The following TAF4 variants were observed in gnomAD, a reference collection of about 807,000 sequenced individuals.
The protein encoded by TAF4 is transcription initiation factor TFIID subunit 4.
In TAF4, 9 loss-of-function variants were observed where a neutral mutation model predicts 90.3. The observed-to-expected ratio is 0.10, with a 90% CI of 0.06 to 0.17. The LOEUF is 0.17. Among genes scored for constraint, TAF4 ranks in the 10% least tolerant of loss-of-function variants. TAF4 has a pLI of 1.00. For synonymous variants in TAF4, 818 were observed against 638.9 expected, an observed-to-expected ratio of 1.28 and a Z score of -4.23; for missense variants, 1,351 against 1,370.7, an observed-to-expected ratio of 0.99 and a Z score of 0.23.
chr20:62,028,803 T>A (rs1044150605), intron 1 of TAF4, among the ~76,000 whole-genome samples: 2 of 152,198 alleles, frequency 1.3e-5, no homozygotes, highest in Non-Finnish European at 2.9e-5. Context: ...ATAAAGCACC[T>A]GCCTAAGCCT....
intron 2 of TAF4, among the ~76,000 whole-genome samples, chr20:62,013,625 G>T (rs1042720559): frequency 6.6e-6 from 1 of 152,262 alleles, no homozygotes. Context: ...ACTCCAGAGG[G>T]TACGCAGCTC....
intron 1 of TAF4, among the ~76,000 whole-genome samples, chr20:62,045,303 TCCTGGGAAAGCCCTG>T (rs1230755728): frequency 6.6e-6 from 1 of 152,210 alleles, no homozygotes; most frequent in East Asian, 1.9e-4. Flanking sequence ...TCCCTGCCCT[TCCTGGGAAAGCCCTG>T]CCTGCCGTGC....
At chr20:62,032,628 G>A (rs756986813) in intron 1 of TAF4, among the ~76,000 whole-genome samples, 2 of 152,220 alleles carry the variant, frequency 1.3e-5, no homozygotes, top group Non-Finnish European at 2.9e-5. Context: ...TTTAAATAGT[G>A]CCAATCCCAT....
chr20:61,991,837 C>T (rs373413009), intron 14 of TAF4, among the ~76,000 whole-genome samples: 4 of 152,020 alleles, frequency 2.6e-5, no homozygotes, highest in East Asian at 1.9e-4. Flanking sequence ...AAGCCCAGCA[C>T]GCACTCCAGT....
rs558145101 is a variant in TAF4, at chr20:62,038,857, A to G, written c.1361-24150T>C. 2.0e-5 allele frequency among the ~76,000 whole-genome samples: 3 copies of G among 152,286 alleles called. No individual in the cohort carries two copies. In the East Asian group the frequency reaches 5.8e-4, roughly 29 times the overall value. ...CACCTGAGGTCAGGAATTCAAGACC[A>G]GCCTGGCCAACACGGCAAAACCCTA... On this transcript the variant is annotated intron_variant, in intron 1 of 14. Coordinates refer to ENST00000252996, the MANE Select transcript of TAF4 (RefSeq NM_003185.4).
intron 14 of TAF4, among the ~76,000 whole-genome samples, chr20:61,988,005 T>A (rs1383965243): frequency 2.6e-5 from 4 of 152,144 alleles, no homozygotes; most frequent in Non-Finnish European, 4.4e-5. Flanking sequence ...CATGATATTC[T>A]GGAAAAGGCG....
intron 1 of TAF4, among the ~76,000 whole-genome samples, chr20:62,023,505 C>T (rs1425786043): frequency 6.6e-6 from 1 of 152,006 alleles, no homozygotes; most frequent in Non-Finnish European, 1.5e-5. Flanking sequence ...CTCAGCACTT[C>T]GGAAGGCCGA....
At chr20:62,014,038 GT>G (rs2055798098) in intron 2 of TAF4, among the ~76,000 whole-genome samples, 1 of 124,424 alleles carries the variant, frequency 8.0e-6, no homozygotes, top group Admixed American at 8.0e-5. Context: ...GTGTGTGTGT[GT>G]GTGTGTATGT....
At chr20:61,986,692 G>C (rs998299426) in intron 14 of TAF4, among the ~76,000 whole-genome samples, 8 of 152,284 alleles carry the variant, frequency 5.3e-5, no homozygotes, top group African/African-American at 1.4e-4. Flanking sequence ...ATGATGGCCA[G>C]AGCCGGGCTG....
intron 3 of TAF4, among the ~76,000 whole-genome samples, chr20:62,011,142 G>C (rs2055775658): frequency 6.6e-6 from 1 of 152,200 alleles, no homozygotes; most frequent in African/African-American, 2.4e-5. Context: ...GGAGGCAGCA[G>C]GGTGGAGGGA....
intron 1 of TAF4, among the ~76,000 whole-genome samples, chr20:62,045,592 T>A (rs994655826): frequency 6.6e-6 from 1 of 152,216 alleles, no homozygotes; most frequent in African/African-American, 2.4e-5. Flanking sequence ...TTTGCCTTTA[T>A]CAAATTTTCT....
intron 1 of TAF4, among the ~76,000 whole-genome samples, chr20:62,022,865 C>CG (rs1555876374): frequency 6.6e-6 from 1 of 151,862 alleles, no homozygotes; most frequent in African/African-American, 2.4e-5. Flanking sequence ...CTTGCAGCCC[C>CG]CCCCCCGCAC....
At chr20:62,062,841 C>G (rs1391558708) in intron 1 of TAF4, among the ~76,000 whole-genome samples, 1 of 152,188 alleles carries the variant, frequency 6.6e-6, no homozygotes, top group Non-Finnish European at 1.5e-5. Flanking sequence ...GCCAGCCCCA[C>G]AAGACAGAGT....
At chr20:62,000,834 G>A (rs1429796897) in intron 9 of TAF4, 113 bp from the exon 10 acceptor site, 1 of 1,179,304 alleles carries the variant, frequency 8.5e-7, no homozygotes, top group African/African-American at 1.5e-5. Context: ...GAGGAGGCCA[G>A]GCCTCTGTCC....
At chr20:62,051,933 C>T (rs2145514141) in intron 1 of TAF4, among the ~76,000 whole-genome samples, 2 of 152,290 alleles carry the variant, frequency 1.3e-5, no homozygotes, top group East Asian at 3.9e-4. Context: ...CCTGGACAAA[C>T]CAAGGTTGCC....
rs866523799 is a variant in TAF4 at position 61,975,374 on chromosome 20, T to C, written c.*794A>G. The C allele has an allele frequency of 1.3e-5, 2 of 152,530 alleles. No individual in the cohort carries two copies. The highest frequency in any genetic ancestry group is 1.3e-4 in the Admixed American group (2 of 15,290). The allele number at this position is 152,530 out of a possible 1,614,324, so 9.4% of individuals were successfully genotyped here. On this transcript the variant is annotated 3_prime_UTR_variant, in exon 15 of 15. Transcript: ENST00000252996. Reference sequence around the variant, plus strand: ...AGTCTTTTGATGATTCTTCTCAACTTTGATTTTATTTAATCTAGGTTTTCA... The same window carrying C: ...AGTCTTTTGATGATTCTTCTCAACTCTGATTTTATTTAATCTAGGTTTTCA...
At chr20:61,993,935 TAG>T (rs542782023) in intron 14 of TAF4, among the ~76,000 whole-genome samples, 16 of 152,100 alleles carry the variant, frequency 1.1e-4, no homozygotes, top group Non-Finnish European at 2.1e-4. Flanking sequence ...GTGTTTTTAG[TAG>T]AGACAGGGTT....
In TAF4 at chr20:62,064,617, G is replaced by A. The variant is rs776121156; in HGVS notation, c.1194C>T (p.Thr398=). The change falls in exon 1 of 15, where the codon ACC becomes ACT. Residue 398 remains threonine (T), a synonymous_variant. Coordinates refer to ENST00000252996, the MANE Select transcript of TAF4 (RefSeq NM_003185.4). The part of the protein sequence containing the change: ...AVPPPAPGTP[T]GLPKGAAGAV... ...CGCCGGCCGCGCCTTTGGGCAGCCC[G>A]GTGGGGGTCCCGGGGGCGGGCGGCG... 79 of 1,389,700 alleles carry A rather than the reference G, an allele frequency of 5.7e-5. No homozygotes were observed. The highest frequency in any genetic ancestry group is 5.6e-4 in the African/African-American group (37 of 65,818). The allele number at this position is 1,389,700 out of a possible 1,614,324, so 86.1% of individuals were successfully genotyped here.
At chr20:61,984,403 C>T (rs1178036121) in intron 14 of TAF4, among the ~76,000 whole-genome samples, 1 of 152,234 alleles carries the variant, frequency 6.6e-6, no homozygotes, top group South Asian at 2.1e-4. Context: ...AACTCAGCCC[C>T]AACAGCAGGC....
Sources: gnomAD v4.1 joint callset for allele counts (sites outside exome capture counted in the v4.1 genomes callset) on GRCh38, gnomAD v4.1.1 for gene constraint, MANE v1.5 for transcripts, NCBI Gene and HGNC (gene_info 2026-07-23, HGNC 2026-07-21) for gene names.